Variants in SLC22A25 observed in about 807,000 individuals in gnomAD.
SLC22A25 encodes the protein MGI:2442751, MGI:2385316, MGI:3042283, MGI:3645714, MGI:3605624, MGI:2442750.
Under a neutral mutation model 45.9 loss-of-function variants are expected in SLC22A25, and 44 were observed. That is an observed-to-expected ratio of 0.96 (90% confidence interval 0.75 to 1.23). The LOEUF is 1.23. Ranked by LOEUF, SLC22A25 falls within the 50% of genes most tolerant of loss-of-function variation. The pLI is 0.00. For missense variants in SLC22A25, 800 were observed against 666.4 expected, an observed-to-expected ratio of 1.20 and a Z score of -2.21; for synonymous variants, 283 against 238.6, an observed-to-expected ratio of 1.19 and a Z score of -1.72.
intron 9 of SLC22A25, chr11:63,168,050 C>T: frequency 4.2e-6 from 1 of 240,102 alleles, no homozygotes; most frequent in South Asian, 3.8e-5. Flanking sequence ...CTCCAGCAAA[C>T]TCCAGCAGAC....
chr11:63,223,291 C>A (rs1005660548), intron 5 of SLC22A25, among the ~76,000 whole-genome samples: 4 of 152,026 alleles, frequency 2.6e-5, no homozygotes, highest in African/African-American at 9.7e-5. Flanking sequence ...ATTACAGCTT[C>A]AATCTCATTA....
At chr11:63,212,188 G>A (rs1251052509) in intron 7 of SLC22A25, among the ~76,000 whole-genome samples, 1 of 149,778 alleles carries the variant, frequency 6.7e-6, no homozygotes, top group African/African-American at 2.5e-5. Flanking sequence ...GAGAGGATGT[G>A]GAGAAATAGG....
intron 7 of SLC22A25, among the ~76,000 whole-genome samples, chr11:63,204,489 G>A (rs186530379): frequency 6.6e-5 from 10 of 152,226 alleles, no homozygotes; most frequent in African/African-American, 2.4e-4. Context: ...AGAAAGAAAA[G>A]CAGGGGTTGT....
chr11:63,215,477 A>C (rs1394911082), intron 7 of SLC22A25, among the ~76,000 whole-genome samples: 10 of 152,154 alleles, frequency 6.6e-5, no homozygotes, highest in Admixed American at 6.5e-4. Flanking sequence ...GAAATACCTA[A>C]TGTCAATGGT....
intron 9 of SLC22A25, among the ~76,000 whole-genome samples, chr11:63,173,176 C>T (rs984395898): frequency 3.0e-5 from 4 of 133,992 alleles, no homozygotes; most frequent in African/African-American, 8.5e-5. Context: ...AATGGGAACA[C>T]ATGGACACAG....
intron 3 of SLC22A25, among the ~76,000 whole-genome samples, chr11:63,236,901 G>A (rs1376779952): frequency 1.3e-5 from 2 of 152,094 alleles, no homozygotes. Flanking sequence ...CCCTGTCTGG[G>A]CTGTGGCTCC....
intron 9 of SLC22A25, among the ~76,000 whole-genome samples, chr11:63,170,596 CCT>C (rs2087843928): frequency 6.6e-6 from 1 of 151,920 alleles, no homozygotes; most frequent in Non-Finnish European, 1.5e-5. Flanking sequence ...ACATATACAC[CCT>C]CCCAAGACTA....
intron 7 of SLC22A25, among the ~76,000 whole-genome samples, chr11:63,195,666 T>C (rs931524935): frequency 2.2e-4 from 34 of 152,064 alleles, no homozygotes; most frequent in African/African-American, 8.0e-4. Flanking sequence ...AGATCCAAAA[T>C]TGACACCCTA....
chr11:63,233,477 T>A (rs984694576), intron 3 of SLC22A25, among the ~76,000 whole-genome samples: 1 of 152,222 alleles, frequency 6.6e-6, no homozygotes, highest in Non-Finnish European at 1.5e-5. Context: ...GAATTGGTGG[T>A]GATATCCCCT....
intron 5 of SLC22A25, among the ~76,000 whole-genome samples, chr11:63,221,119 A>T (rs1305273719): frequency 2.6e-5 from 4 of 152,042 alleles, no homozygotes; most frequent in Non-Finnish European, 5.9e-5. Context: ...TGCTATACTG[A>T]TTTCCTTTTT....
intron 7 of SLC22A25, among the ~76,000 whole-genome samples, chr11:63,205,160 C>G (rs1286411912): frequency 2.0e-5 from 3 of 152,110 alleles, no homozygotes; most frequent in Non-Finnish European, 4.4e-5. Context: ...ACATTTAAAA[C>G]AGTGTTTAGA....
intron 7 of SLC22A25, among the ~76,000 whole-genome samples, chr11:63,200,319 A>G (rs2177699): frequency 0.99 from 145,876 of 147,722 alleles, 72,066 homozygotes; most frequent in Middle Eastern, 1. Flanking sequence ...GATCTAGTAG[A>G]CTTTATCCTT....
intron 9 of SLC22A25, among the ~76,000 whole-genome samples, chr11:63,177,907 T>TATATAATATATATATATAATGTATAC (rs2088172186): frequency 6.9e-6 from 1 of 144,744 alleles, no homozygotes; most frequent in South Asian, 2.1e-4. Context: ...ATAATGTATA[T>TATATAATATATATATATAATGTATAC]CCCATTTTCT....
At chr11:63,219,803 T>G in intron 5 of SLC22A25, 1 of 691,978 alleles carries the variant, frequency 1.4e-6, no homozygotes, top group Admixed American at 2.4e-5. Flanking sequence ...AAAATTGGTT[T>G]ATCTGCATTT....
At position 63,229,605 on chromosome 11, in the gene SLC22A25, G is replaced by A; in HGVS notation, c.48C>T (p.Phe16=). 2 of 1,612,972 alleles carry A rather than the reference G, an allele frequency of 1.2e-6. No individual in the cohort carries two copies. Among genetic ancestry groups the A allele is most frequent in the South Asian group, 1.1e-5 (1 of 91,056 alleles). ...LLDQVGGLGR[F]QILQMVFLIM... is the part of the protein sequence containing the mutation. The stretch of plus-strand genomic sequence containing the variant: ...TAAGGAAAACCATCTGAAGGATCTG[G>A]AATCTCCCCAGGCCTCCAACTTGAT... The change falls in exon 4 of 12, where the codon TTC becomes TTT. Residue 16 remains phenylalanine (F), a synonymous_variant. Transcript: ENST00000306494.
intron 2 of SLC22A25, among the ~76,000 whole-genome samples, 178 bp from the exon 3 acceptor site, chr11:63,238,190 C>A (rs757697700): frequency 6.6e-6 from 1 of 152,190 alleles, no homozygotes; most frequent in Non-Finnish European, 1.5e-5. Context: ...TCAGCTTCAA[C>A]AACTTTCTCT....
intron 7 of SLC22A25, among the ~76,000 whole-genome samples, chr11:63,197,612 A>T (rs2089090762): frequency 6.6e-6 from 1 of 152,240 alleles, no homozygotes; most frequent in African/African-American, 2.4e-5. Context: ...ACCTAAAACC[A>T]TAAAAACCCT....
At chr11:63,200,592 T>C (rs1471120318) in intron 7 of SLC22A25, among the ~76,000 whole-genome samples, 1 of 152,038 alleles carries the variant, frequency 6.6e-6, no homozygotes, top group African/African-American at 2.4e-5. Flanking sequence ...ACTTGAAAAC[T>C]GGCACAAGAT....
intron 5 of SLC22A25, among the ~76,000 whole-genome samples, chr11:63,223,644 C>G (rs2089900067): frequency 6.6e-6 from 1 of 150,902 alleles, no homozygotes; most frequent in South Asian, 2.1e-4. Flanking sequence ...TCTTTATTTT[C>G]TTCTGTTAAT....
Sources: allele counts gnomAD v4.1 joint callset (sites outside exome capture counted in the v4.1 genomes callset), GRCh38; gene constraint gnomAD v4.1.1; transcripts MANE v1.5; gene names NCBI Gene and HGNC (gene_info 2026-07-23, HGNC 2026-07-21).